The following CWC27 variants were observed in gnomAD, a reference collection of about 807,000 sequenced individuals.
CWC27 encodes the protein spliceosome-associated protein CWC27 homolog.
In CWC27, 47 loss-of-function variants were observed where a neutral mutation model predicts 63.6. The observed-to-expected ratio is 0.74, with a 90% CI of 0.58 to 0.94. The LOEUF (loss-of-function observed/expected upper bound fraction) is 0.94, where lower values mean the gene tolerates loss of function less well. Among genes scored for constraint, CWC27 ranks in the 40% least tolerant of loss-of-function variants. The probability of loss-of-function intolerance (pLI) is 0.00; values close to 1 mark genes in which losing one functional copy is unlikely to be tolerated. For synonymous variants in CWC27, 175 were observed against 179.8 expected, an observed-to-expected ratio of 0.97 and a Z score of 0.22; for missense variants, 495 against 554.3, an observed-to-expected ratio of 0.89 and a Z score of 1.07.
chr5:64,800,971 T>G (rs540618820), intron 8 of CWC27, among the ~76,000 whole-genome samples: 3 of 152,052 alleles, frequency 2.0e-5, no homozygotes, highest in Non-Finnish European at 4.4e-5. Flanking sequence ...GATTTGGGGG[T>G]TTTTTTAGTC....
intron 7 of CWC27, among the ~76,000 whole-genome samples, chr5:64,794,739 C>T (rs1012718381): frequency 6.6e-6 from 1 of 152,106 alleles, no homozygotes; most frequent in Non-Finnish European, 1.5e-5. Flanking sequence ...TGGAATATTG[C>T]TCCCTTCATA....
At chr5:64,904,850 G>A (rs887495311) in intron 11 of CWC27, among the ~76,000 whole-genome samples, 1 of 152,158 alleles carries the variant, frequency 6.6e-6, no homozygotes, top group African/African-American at 2.4e-5. Context: ...TTAATTGTAA[G>A]ACCTACCTAT....
intron 10 of CWC27, among the ~76,000 whole-genome samples, chr5:64,865,298 T>G (rs1746506922): frequency 6.6e-6 from 1 of 152,090 alleles, no homozygotes; most frequent in South Asian, 2.1e-4. Flanking sequence ...AAATAACTAG[T>G]GGAGTGAGCC....
intron 1 of CWC27, 36 bp from the exon 2 acceptor site, chr5:64,774,655 A>G (rs1743377942): frequency 4.7e-6 from 6 of 1,278,516 alleles, no homozygotes; most frequent in African/African-American, 1.5e-5. Flanking sequence ...ATTAAGCAAA[A>G]TAATAATTTA....
chr5:65,004,473 A>G (rs1467875886), intron 13 of CWC27, among the ~76,000 whole-genome samples: 1 of 140,888 alleles, frequency 7.1e-6, no homozygotes, highest in East Asian at 2.1e-4. Flanking sequence ...TGCTAAATCT[A>G]GTCTATTGTT....
chr5:64,940,393 C>T (rs986750121), intron 11 of CWC27, among the ~76,000 whole-genome samples: 6 of 152,280 alleles, frequency 3.9e-5, no homozygotes, highest in African/African-American at 1.2e-4. Flanking sequence ...TTGCACTTCC[C>T]GGTGAGGCAG....
chr5:64,863,311 GTTAAA>G (rs974447813), intron 10 of CWC27, among the ~76,000 whole-genome samples: 2 of 152,074 alleles, frequency 1.3e-5, no homozygotes, highest in African/African-American at 4.8e-5. Flanking sequence ...TGCTTACAGT[GTTAAA>G]TTAAGGGTTT....
At chr5:64,933,744 G>T (rs571795078) in intron 11 of CWC27, among the ~76,000 whole-genome samples, 90 of 152,098 alleles carry the variant, frequency 5.9e-4, no homozygotes, top group Non-Finnish European at 1.0e-3. Context: ...ACCCACCTCT[G>T]CCTCCCAAAG....
At chr5:64,824,521 G>C (rs1188228563) in intron 10 of CWC27, among the ~76,000 whole-genome samples, 2 of 152,078 alleles carry the variant, frequency 1.3e-5, no homozygotes, top group East Asian at 3.9e-4. Context: ...TGCATATTGT[G>C]ACCTGAAAAG....
intron 10 of CWC27, among the ~76,000 whole-genome samples, chr5:64,853,906 A>G (rs1746195485): frequency 6.6e-6 from 1 of 152,232 alleles, no homozygotes; most frequent in South Asian, 2.1e-4. Context: ...TTGTTGTGCA[A>G]CCAAACTCCG....
At chr5:64,923,426 G>T (rs1748037756) in intron 11 of CWC27, among the ~76,000 whole-genome samples, 1 of 150,032 alleles carries the variant, frequency 6.7e-6, no homozygotes. Context: ...GCCATTAAGG[G>T]CTTGAGATGC....
chr5:65,011,451 A>G (rs1387346539), intron 13 of CWC27, among the ~76,000 whole-genome samples: 1 of 152,232 alleles, frequency 6.6e-6, no homozygotes, highest in Non-Finnish European at 1.5e-5. Context: ...ACTGAGAGAC[A>G]GAAGTGTATA....
chr5:64,825,149 AG>A (rs1745325651), intron 10 of CWC27, among the ~76,000 whole-genome samples: 1 of 152,220 alleles, frequency 6.6e-6, no homozygotes, highest in African/African-American at 2.4e-5. Flanking sequence ...CAAAAGCTAC[AG>A]CACAGTAAAT....
intron 10 of CWC27, among the ~76,000 whole-genome samples, chr5:64,843,830 A>G (rs1181839732): frequency 1.3e-5 from 2 of 152,076 alleles, no homozygotes; most frequent in Non-Finnish European, 2.9e-5. Context: ...GATTTTTTAA[A>G]ATGTACAGGG....
At chr5:64,944,923 A>C (rs945673793) in intron 11 of CWC27, among the ~76,000 whole-genome samples, 6 of 152,220 alleles carry the variant, frequency 3.9e-5, no homozygotes, top group African/African-American at 1.2e-4. Flanking sequence ...TTTGTCTAGT[A>C]GACTCTATAA....
intron 11 of CWC27, among the ~76,000 whole-genome samples, chr5:64,907,859 G>A (rs753691137): frequency 1.3e-5 from 2 of 151,234 alleles, no homozygotes; most frequent in Non-Finnish European, 2.9e-5. Flanking sequence ...TTGATTTTTT[G>A]AAGGGTTTTT....
intron 11 of CWC27, among the ~76,000 whole-genome samples, chr5:64,953,017 T>A (rs1418618776): frequency 6.6e-6 from 1 of 152,160 alleles, no homozygotes; most frequent in African/African-American, 2.4e-5. Context: ...CTTTGCCAAG[T>A]TGCCATGTGA....
At chr5:64,845,133 AG>A (rs1454903906) in intron 10 of CWC27, 4 of 405,472 alleles carry the variant, frequency 9.9e-6, no homozygotes, top group Non-Finnish European at 2.0e-5. Context: ...ATGTAACATC[AG>A]AGGAAAGGCA....
At chr5:64,850,978 T>C (rs1170890881) in intron 10 of CWC27, among the ~76,000 whole-genome samples, 1 of 152,220 alleles carries the variant, frequency 6.6e-6, no homozygotes, top group Non-Finnish European at 1.5e-5. Context: ...ACAGCCATTA[T>C]GAAAACTGTA....
Sources: allele counts gnomAD v4.1 joint callset (sites outside exome capture counted in the v4.1 genomes callset), GRCh38; gene constraint gnomAD v4.1.1; transcripts MANE v1.5; gene names NCBI Gene and HGNC (gene_info 2026-07-23, HGNC 2026-07-21).